RASGRF2: variants seen among roughly 807,000 people sequenced by gnomAD.
RASGRF2 encodes Ras protein specific guanine nucleotide releasing factor 2, also known as ras-specific guanine nucleotide-releasing factor 2.
RASGRF2 carries 76 observed loss-of-function variants against 151.0 expected under a neutral mutation model. That is an observed-to-expected ratio of 0.50 (90% CI 0.42 to 0.61). The LOEUF (loss-of-function observed/expected upper bound fraction) is 0.61, where lower values mean the gene tolerates loss of function less well. RASGRF2 is among the 20% of genes least tolerant of loss of function. The pLI, the probability that RASGRF2 is intolerant of heterozygous loss-of-function variation, is 0.00. For synonymous variants in RASGRF2, 504 were observed against 566.5 expected, an observed-to-expected ratio of 0.89 and a Z score of 1.57; for missense variants, 1,148 against 1,564.6, an observed-to-expected ratio of 0.73 and a Z score of 4.49.
At chr5:81,031,949 A>G (rs1750268375) in intron 1 of RASGRF2, among the ~76,000 whole-genome samples, 1 of 152,202 alleles carries the variant, frequency 6.6e-6, no homozygotes, top group African/African-American at 2.4e-5. Context: ...TAGACACAAT[A>G]AAAAATGATA....
At position 81,055,856 on chromosome 5, in the gene RASGRF2, T is replaced by G. The variant is rs1751188369; in HGVS notation, c.396-12176T>G. On this transcript the variant is annotated intron_variant, in intron 2 of 26. Coordinates refer to ENST00000265080, the MANE Select transcript of RASGRF2 (RefSeq NM_006909.3). ...ATTCCACTTCTTCCTGGTTTAGTCT[T>G]GGGAGGGTGTATGTGTCCAGGAATT... Among the ~76,000 whole-genome samples the G allele has an allele frequency of 2.6e-5, 4 of 152,304 alleles. No individual in the cohort carries two copies. The South Asian group carries it at 8.3e-4, about 32-fold the overall frequency.
chr5:80,961,888 A>G (rs1198623067), intron 1 of RASGRF2, among the ~76,000 whole-genome samples: 4 of 152,216 alleles, frequency 2.6e-5, no homozygotes, highest in South Asian at 4.1e-4. Context: ...TTTGGTTATT[A>G]AAGTTAAAGC....
intron 12 of RASGRF2, among the ~76,000 whole-genome samples, chr5:81,104,762 A>G (rs1158668258): frequency 6.6e-6 from 1 of 152,214 alleles, no homozygotes; most frequent in Non-Finnish European, 1.5e-5. Flanking sequence ...AGATCCTGGA[A>G]AACAGAAGAG....
chr5:81,108,654 T>C (rs1752909144), intron 12 of RASGRF2, among the ~76,000 whole-genome samples: 1 of 152,196 alleles, frequency 6.6e-6, no homozygotes, highest in African/African-American at 2.4e-5. Flanking sequence ...ACCTCTCAAA[T>C]AGCATTGGAG....
chr5:81,179,874 A>G (rs1446118275), intron 17 of RASGRF2, among the ~76,000 whole-genome samples: 1 of 152,222 alleles, frequency 6.6e-6, no homozygotes, highest in South Asian at 2.1e-4. Context: ...TTGGCTTTGT[A>G]TTATAGAGTA....
chr5:81,045,230 T>C (rs1482036184), intron 2 of RASGRF2, among the ~76,000 whole-genome samples: 1 of 152,216 alleles, frequency 6.6e-6, no homozygotes, highest in Non-Finnish European at 1.5e-5. Flanking sequence ...CCTTTCTACC[T>C]AGGAGTTAAA....
chr5:81,187,624 G>A (rs1755054988), intron 18 of RASGRF2, among the ~76,000 whole-genome samples: 1 of 152,188 alleles, frequency 6.6e-6, no homozygotes, highest in South Asian at 2.1e-4. Context: ...ACCAACCAAT[G>A]AGCATCCGTC....
chr5:81,227,034 T>G lies in RASGRF2; in HGVS notation c.*1264T>G, dbSNP rs369435480. On this transcript the variant is annotated 3_prime_UTR_variant, in exon 27 of 27. Coordinates refer to ENST00000265080, the MANE Select transcript of RASGRF2 (RefSeq NM_006909.3). ...GCTATCTCATTGTTTACCTCCCTCT[T>G]CTCTTCTCAGGGAGACTGCTGCTTT... is the stretch of plus-strand genomic sequence containing the variant. 1 of 152,174 alleles carries G rather than the reference T, an allele frequency of 6.6e-6. No homozygotes were observed. Among genetic ancestry groups the G allele is most frequent in the South Asian group, 2.1e-4 (1 of 4,822 alleles). 9.4% of individuals were successfully genotyped at this position (152,174 alleles called of 1,614,324 possible).
chr5:81,011,377 A>G (rs748702471), intron 1 of RASGRF2, among the ~76,000 whole-genome samples: 4 of 152,124 alleles, frequency 2.6e-5, no homozygotes, highest in Non-Finnish European at 2.9e-5. Flanking sequence ...TTTTTTTACC[A>G]TTAAACCAAC....
intron 20 of RASGRF2, 104 bp downstream of exon 20, chr5:81,207,009 C>CA: frequency 9.8e-7 from 1 of 1,021,142 alleles, no homozygotes; most frequent in Non-Finnish European, 1.5e-6. Context: ...GTATTAGGCC[C>CA]TCTGTCCTAT....
At chr5:81,112,578 T>A in intron 13 of RASGRF2, 32 bp from the exon 14 acceptor site, 1 of 1,611,148 alleles carries the variant, frequency 6.2e-7, no homozygotes, top group Non-Finnish European at 8.5e-7. Flanking sequence ...CTCCTCCTGG[T>A]TTTACCATCA....
At chr5:81,176,246 A>G (rs1186580211) in intron 17 of RASGRF2, among the ~76,000 whole-genome samples, 3 of 152,172 alleles carry the variant, frequency 2.0e-5, no homozygotes, top group Non-Finnish European at 4.4e-5. Context: ...ATTTTAATTT[A>G]AATATGGACT....
chr5:81,065,988 G>A (rs1407999837), intron 2 of RASGRF2, among the ~76,000 whole-genome samples: 1 of 152,086 alleles, frequency 6.6e-6, no homozygotes, highest in African/African-American at 2.4e-5. Flanking sequence ...ATTCCAAACT[G>A]GACCTGCCTT....
chr5:81,001,366 G>A (rs1360655996), intron 1 of RASGRF2, among the ~76,000 whole-genome samples: 1 of 152,136 alleles, frequency 6.6e-6, no homozygotes, highest in African/African-American at 2.4e-5. Context: ...GTTCACAACA[G>A]GCCTGTGTTC....
intron 18 of RASGRF2, among the ~76,000 whole-genome samples, chr5:81,198,912 C>T (rs1284981144): frequency 6.6e-6 from 1 of 152,132 alleles, no homozygotes. Flanking sequence ...AATTTATTTT[C>T]CTTTGGGTAT....
intron 1 of RASGRF2, among the ~76,000 whole-genome samples, chr5:80,963,752 A>G (rs1747636306): frequency 6.6e-6 from 1 of 152,226 alleles, no homozygotes; most frequent in African/African-American, 2.4e-5. Flanking sequence ...AGGCAGAGAC[A>G]TTCTTATTAC....
chr5:81,208,281 A>G, intron 21 of RASGRF2, 73 bp from the exon 22 acceptor site: 2 of 1,280,428 alleles, frequency 1.6e-6, no homozygotes, highest in Non-Finnish European at 2.2e-6. Context: ...AATATTCGTG[A>G]CAACTGTCCA....
intron 5 of RASGRF2, among the ~76,000 whole-genome samples, chr5:81,078,855 G>C (rs1752010506): frequency 6.6e-6 from 1 of 152,200 alleles, no homozygotes; most frequent in Admixed American, 6.5e-5. Context: ...GGCTGGGGGA[G>C]TAAAGTCAGG....
intron 26 of RASGRF2, 149 bp from the exon 27 acceptor site, chr5:81,225,529 T>C: frequency 8.2e-7 from 1 of 1,219,968 alleles, no homozygotes; most frequent in Non-Finnish European, 1.1e-6. Flanking sequence ...TTTTTTTTTT[T>C]TAACAATGGA....
Sources: gnomAD v4.1 joint callset for allele counts (sites outside exome capture counted in the v4.1 genomes callset) on GRCh38, gnomAD v4.1.1 for gene constraint, MANE v1.5 for transcripts, NCBI Gene and HGNC (gene_info 2026-07-23, HGNC 2026-07-21) for gene names.